The following CDH10 variants were observed in gnomAD, a reference collection of about 807,000 sequenced individuals.
CDH10 encodes cadherin 10, also known as cadherin-10.
A neutral mutation model predicts 73.1 loss-of-function variants in CDH10; 30 were observed. That is an observed-to-expected ratio of 0.41 (90% CI 0.31 to 0.56). The LOEUF (loss-of-function observed/expected upper bound fraction) is 0.56. Among genes scored for constraint, CDH10 ranks in the 20% least tolerant of loss-of-function variants. The probability of loss-of-function intolerance (pLI) is 0.27; values close to 1 mark genes in which losing one functional copy is unlikely to be tolerated. For missense variants in CDH10, 815 were observed against 973.7 expected (o/e 0.84, Z 2.17); for synonymous variants, 345 against 348.2 (o/e 0.99, Z 0.10).
intron 2 of CDH10, among the ~76,000 whole-genome samples, chr5:24,579,342 A>AATAT (rs58478988): frequency 6.8e-4 from 103 of 150,512 alleles, no homozygotes; most frequent in African/African-American, 2.3e-3. Context: ...GGAAAACAAA[A>AATAT]ATATATATAT....
intron 2 of CDH10, among the ~76,000 whole-genome samples, chr5:24,569,845 T>C (rs12189330): frequency 0.42 from 63,932 of 151,702 alleles, 14,633 homozygotes; most frequent in East Asian, 0.54. Flanking sequence ...TCACTGCAAC[T>C]TCTGCCTCCT....
intron 5 of CDH10, among the ~76,000 whole-genome samples, chr5:24,514,114 G>T (rs908586455): frequency 2.0e-5 from 3 of 152,166 alleles, no homozygotes; most frequent in African/African-American, 7.2e-5. Context: ...TTTGTGTATT[G>T]TACATTGTAT....
intron 1 of CDH10, among the ~76,000 whole-genome samples, chr5:24,614,298 G>A (rs1190744429): frequency 6.6e-6 from 1 of 152,126 alleles, no homozygotes; most frequent in Non-Finnish European, 1.5e-5. Context: ...TTGAATAATG[G>A]AATCTGGCAT....
intron 2 of CDH10, among the ~76,000 whole-genome samples, chr5:24,548,741 C>G (rs1253639348): frequency 6.6e-6 from 1 of 151,864 alleles, no homozygotes; most frequent in Non-Finnish European, 1.5e-5. Context: ...AAAAAGAAAA[C>G]TTTCCAGTAA....
intron 1 of CDH10, among the ~76,000 whole-genome samples, chr5:24,622,367 G>A (rs1033102352): frequency 6.6e-6 from 1 of 152,178 alleles, no homozygotes; most frequent in Admixed American, 6.5e-5. Flanking sequence ...GGAGGGAGAA[G>A]AAAGGGCCTG....
intron 1 of CDH10, among the ~76,000 whole-genome samples, chr5:24,606,836 C>G (rs1333366815): frequency 2.6e-5 from 4 of 152,062 alleles, no homozygotes; most frequent in Admixed American, 2.6e-4. Flanking sequence ...CAGAAAAAAG[C>G]ATTCATTTAA....
intron 1 of CDH10, among the ~76,000 whole-genome samples, chr5:24,624,427 G>A (rs1747422637): frequency 6.6e-6 from 1 of 151,982 alleles, no homozygotes; most frequent in Non-Finnish European, 1.5e-5. Context: ...TAAGAGATAG[G>A]AAAATTTAAT....
intron 2 of CDH10, among the ~76,000 whole-genome samples, chr5:24,573,821 TTAAA>T (rs1359696153): frequency 5.4e-5 from 8 of 148,278 alleles, no homozygotes; most frequent in Non-Finnish European, 1.2e-4. Context: ...TTTTATCGCA[TTAAA>T]TATTTATAAC....
At position 24,530,699 on chromosome 5, in the gene CDH10, A is replaced by G. The variant is rs374776702; in HGVS notation, c.814+4413T>C. Among the ~76,000 whole-genome samples, 15 of 152,156 alleles carry G rather than the reference A, an allele frequency of 9.9e-5. No individual in the cohort carries two copies. The East Asian group carries it at 1.7e-3, about 18-fold the overall frequency. ...TGAAGTAAGTGCATTTATTTCGTAT[A>G]CATTTTAATATTTAGAGCCCAAAGA... is the stretch of plus-strand genomic sequence containing the variant. On this transcript the variant is annotated intron_variant, in intron 5 of 11. Transcript: ENST00000264463.
At chr5:24,639,563 G>A (rs1005940996) in intron 1 of CDH10, among the ~76,000 whole-genome samples, 4 of 151,496 alleles carry the variant, frequency 2.6e-5, no homozygotes, top group Non-Finnish European at 4.4e-5. Flanking sequence ...TACATATTAT[G>A]CCTACCTCAA....
intron 1 of CDH10, among the ~76,000 whole-genome samples, chr5:24,616,598 A>T (rs1313888770): frequency 6.6e-6 from 1 of 152,214 alleles, no homozygotes; most frequent in Non-Finnish European, 1.5e-5. Context: ...CTATATTTAA[A>T]AAAAGAATTC....
intron 5 of CDH10, among the ~76,000 whole-genome samples, chr5:24,531,458 AC>A (rs1743746598): frequency 6.6e-6 from 1 of 151,766 alleles, no homozygotes; most frequent in Non-Finnish European, 1.5e-5. Context: ...AAAGACATAC[AC>A]AAGACTGGGT....
At chr5:24,572,453 A>G (rs1745419640) in intron 2 of CDH10, among the ~76,000 whole-genome samples, 1 of 152,106 alleles carries the variant, frequency 6.6e-6, no homozygotes, top group African/African-American at 2.4e-5. Context: ...AGACACGGGG[A>G]GAGGATTTCT....
At chr5:24,628,649 C>T (rs1001519420) in intron 1 of CDH10, among the ~76,000 whole-genome samples, 1 of 151,890 alleles carries the variant, frequency 6.6e-6, no homozygotes, top group Non-Finnish European at 1.5e-5. Context: ...TTAAATAATA[C>T]CTCTTTTATA....
At chr5:24,622,943 G>A (rs534367828) in intron 1 of CDH10, among the ~76,000 whole-genome samples, 3 of 152,120 alleles carry the variant, frequency 2.0e-5, no homozygotes, top group African/African-American at 4.8e-5. Context: ...ACCACATAAC[G>A]TGATGTGACT....
Position 24,491,184 on chromosome 5 carries a change from T to G in CDH10, c.1876+392A>C, listed in dbSNP as rs535850708. On this transcript the variant is annotated intron_variant, in intron 11 of 11. Transcript: ENST00000264463. ...GGTTCCGAAGATCTCTTAATTCCAT[T>G]AGAACATTCAGCATGGCTACCAAGA... Among the ~76,000 whole-genome samples the G allele has an allele frequency of 2.0e-5, 3 of 152,294 alleles. No homozygotes were observed. The East Asian group carries it at 5.8e-4, about 29-fold the overall frequency.
intron 2 of CDH10, among the ~76,000 whole-genome samples, chr5:24,546,456 C>T (rs1408722861): frequency 6.6e-6 from 1 of 152,094 alleles, no homozygotes; most frequent in African/African-American, 2.4e-5. Context: ...AATGTCATGA[C>T]TCTGTGATTT....
At chr5:24,558,090 T>C (rs900581071) in intron 2 of CDH10, among the ~76,000 whole-genome samples, 1 of 151,742 alleles carries the variant, frequency 6.6e-6, no homozygotes, top group African/African-American at 2.4e-5. Flanking sequence ...ACAAAATATA[T>C]TTTGAGAATG....
intron 1 of CDH10, among the ~76,000 whole-genome samples, chr5:24,619,122 A>C (rs115858127): frequency 0.017 from 2,594 of 152,252 alleles, 37 homozygotes; most frequent in Non-Finnish European, 0.021. Context: ...TTGATTCCAC[A>C]GATGCATAAT....
Sources: gnomAD v4.1 joint callset for allele counts (sites outside exome capture counted in the v4.1 genomes callset) on GRCh38, gnomAD v4.1.1 for gene constraint, MANE v1.5 for transcripts, NCBI Gene and HGNC (gene_info 2026-07-23, HGNC 2026-07-21) for gene names.